Variants in RIIAD1 observed in about 807,000 individuals in gnomAD.
RIIAD1 encodes regulatory subunit of type II PKA R-subunit domain containing 1, also known as RIIa domain-containing protein 1.
In RIIAD1, 15 loss-of-function variants were observed where a neutral mutation model predicts 13.3. The observed-to-expected ratio is 1.13, with a 90% CI of 0.76 to 1.74. The LOEUF is 1.74. Ranked by LOEUF, RIIAD1 falls within the 40% of genes most tolerant of loss-of-function variation. The probability of loss-of-function intolerance (pLI) is 0.00; values close to 1 mark genes in which losing one functional copy is unlikely to be tolerated. For missense variants in RIIAD1, 121 were observed against 112.2 expected, an observed-to-expected ratio of 1.08 and a Z score of -0.35; for synonymous variants, 50 against 43.3, an observed-to-expected ratio of 1.16 and a Z score of -0.61.
At chr1:151,727,480 C>A in intron 2 of RIIAD1, 95 bp from the exon 3 acceptor site, 1 of 805,478 alleles carries the variant, frequency 1.2e-6, no homozygotes, top group Non-Finnish European at 2.1e-6. Flanking sequence ...GGTTGTGTCT[C>A]AGGTTCATCT....
At chr1:151,729,178 A>T (rs1647262778) in intron 4 of RIIAD1, among the ~76,000 whole-genome samples, 3 of 152,106 alleles carry the variant, frequency 2.0e-5, no homozygotes, top group Non-Finnish European at 4.4e-5. Context: ...CAACAGGGAA[A>T]TGGGGAGGGG....
At chr1:151,728,622 T>C (rs1008882635) in intron 3 of RIIAD1, 144 bp from the exon 4 acceptor site, 1 of 644,796 alleles carries the variant, frequency 1.6e-6, no homozygotes, top group Non-Finnish European at 2.8e-6. Context: ...TTTACCATAT[T>C]ACATTGTAAA....
chr1:151,726,381 G>A (rs1411906061), intron 2 of RIIAD1, among the ~76,000 whole-genome samples: 3 of 152,118 alleles, frequency 2.0e-5, no homozygotes, highest in Non-Finnish European at 4.4e-5. Flanking sequence ...TTTGAAAAAA[G>A]CAGTCACTCA....
chr1:151,728,003 G>T (rs1333393060), intron 3 of RIIAD1, among the ~76,000 whole-genome samples: 1 of 152,150 alleles, frequency 6.6e-6, no homozygotes, highest in Non-Finnish European at 1.5e-5. Flanking sequence ...TATTTAATTA[G>T]TCTGGGGTGG....
upstream of RIIAD1, chr1:151,721,514 G>T: frequency 7.7e-7 from 1 of 1,297,848 alleles, no homozygotes; most frequent in Non-Finnish European, 9.8e-7. Context: ...CTCGCGGCCG[G>T]TCGCCTTGAC....
chr1:151,714,819 C>T (rs1673333867), intron 4 of RIIAD1: 5 of 654,978 alleles, frequency 7.6e-6, no homozygotes, highest in Non-Finnish European at 1.1e-5. Flanking sequence ...GAGGTGTCTC[C>T]AAGGGGTAGA....
At chr1:151,721,477 G>T, upstream of RIIAD1, 1 of 1,065,068 alleles carries the variant, frequency 9.4e-7, no homozygotes, top group African/African-American at 1.7e-5. Flanking sequence ...TGGGGGCAGG[G>T]CGGGGCCGGG....
chr1:151,719,614 A>C, upstream of RIIAD1: 1 of 702,920 alleles, frequency 1.4e-6, no homozygotes, highest in Non-Finnish European at 2.6e-6. Context: ...CATCTGCAGC[A>C]GAATTTATGA....
chr1:151,714,159 C>T (rs1001066102), intron 3 of RIIAD1, among the ~76,000 whole-genome samples: 1 of 152,112 alleles, frequency 6.6e-6, no homozygotes, highest in African/African-American at 2.4e-5. Flanking sequence ...TAGCCGGCAC[C>T]AGCTGCCTGT....
At chr1:151,724,884 C>T (rs1043159846) in intron 2 of RIIAD1, among the ~76,000 whole-genome samples, 1 of 151,690 alleles carries the variant, frequency 6.6e-6, no homozygotes, top group African/African-American at 2.4e-5. Flanking sequence ...ACTGCAACCT[C>T]CGCCTCCCGT....
At chr1:151,714,524 A>G (rs1265457125) in exon 4 of RIIAD1, 3 of 1,080,666 alleles carry the variant, frequency 2.8e-6, no homozygotes, top group Middle Eastern at 2.0e-4. Flanking sequence ...CAGTGTCAGG[A>G]GGGTGGTGAG....
At position 151,725,134 on chromosome 1, in the gene RIIAD1, G is replaced by A. The variant is rs1287115137; in HGVS notation, c.162-2441G>A. On this transcript the variant is annotated intron_variant, in intron 2 of 4. Transcript: ENST00000479191. Reference sequence around the variant, plus strand: ...TTTTTTTTTTTTTTTTTTTGGAGACGAAGTCTCCCACTGTCATCTGGGCTG... The same window carrying A: ...TTTTTTTTTTTTTTTTTTTGGAGACAAAGTCTCCCACTGTCATCTGGGCTG... Among the ~76,000 whole-genome samples, 13 of 95,642 alleles carry A rather than the reference G, an allele frequency of 1.4e-4. No individual in the cohort carries two copies. In the South Asian group the frequency reaches 1.4e-3, roughly 10 times the overall value. The allele number at this position is 95,642 out of a possible 152,430, so 62.7% of individuals were successfully genotyped here. A position where few individuals can be genotyped will look rare whatever the true frequency, so the allele number is the denominator to read the frequency against.
At chr1:151,720,130 C>T (rs1673709857), upstream of RIIAD1, among the ~76,000 whole-genome samples, 1 of 151,764 alleles carries the variant, frequency 6.6e-6, no homozygotes, top group Non-Finnish European at 1.5e-5. Context: ...TTTTTCATAC[C>T]AAGCCTTCAA....
intron 2 of RIIAD1, among the ~76,000 whole-genome samples, chr1:151,726,195 T>C (rs79338193): frequency 6.6e-6 from 1 of 152,256 alleles, no homozygotes; most frequent in African/African-American, 2.4e-5. Context: ...TCTGTGAAGA[T>C]TGTTGGGGTC....
Position 151,727,624 on chromosome 1 carries a change from G to A in RIIAD1, c.208+3G>A. 1.3e-6 allele frequency: 2 copies of A among 1,546,582 alleles called. No homozygotes were observed. Among genetic ancestry groups the A allele is most frequent in the South Asian group, 2.4e-5 (2 of 83,964 alleles). ...CAACATCCTAGAATTTGCTGCAGGT[G>A]AGTAAGGCAGCGTCGGTTTTGGGTA... On this transcript the variant is annotated splice_donor_region_variant and intron_variant, in intron 3 of 4. Coordinates refer to ENST00000479191, the MANE Select transcript of RIIAD1 (RefSeq NM_001144956.3).
intron 2 of RIIAD1, among the ~76,000 whole-genome samples, chr1:151,724,399 G>A (rs1781409): frequency 0.076 from 11,553 of 152,238 alleles, 990 homozygotes; most frequent in East Asian, 0.37. Context: ...TTGGTACCGG[G>A]ATGAACCAGA....
intron 2 of RIIAD1, among the ~76,000 whole-genome samples, chr1:151,726,354 G>A (rs1673828789): frequency 6.6e-6 from 1 of 152,166 alleles, no homozygotes; most frequent in South Asian, 2.1e-4. Context: ...TTGAGGTAGG[G>A]CTATATTTTA....
chr1:151,723,814 G>A (rs891462193), intron 2 of RIIAD1, among the ~76,000 whole-genome samples: 2 of 152,240 alleles, frequency 1.3e-5, no homozygotes, highest in Admixed American at 6.5e-5. Flanking sequence ...AACCTATCCA[G>A]TTATGAAGGT....
chr1:151,715,789 C>G, intron 4 of RIIAD1: 1 of 1,594,352 alleles, frequency 6.3e-7, no homozygotes, highest in Non-Finnish European at 8.5e-7. Flanking sequence ...TCAGCCCTTC[C>G]CAGCCGCTCC....
Sources: gnomAD v4.1 joint callset for allele counts (sites outside exome capture counted in the v4.1 genomes callset) on GRCh38, gnomAD v4.1.1 for gene constraint, MANE v1.5 for transcripts, NCBI Gene and HGNC (gene_info 2026-07-23, HGNC 2026-07-21) for gene names.